The following ABHD2 variants were observed in gnomAD, a reference collection of about 807,000 sequenced individuals.
The protein encoded by ABHD2 is monoacylglycerol lipase ABHD2.
A neutral mutation model predicts 48.1 loss-of-function variants in ABHD2; 20 were observed. That is an observed-to-expected ratio of 0.42 (90% confidence interval 0.29 to 0.60). The LOEUF is 0.60. Ranked by LOEUF, ABHD2 falls within the 20% of genes least tolerant of loss-of-function variation. The pLI, the probability that ABHD2 is intolerant of heterozygous loss-of-function variation, is 0.24. For synonymous variants in ABHD2, 209 were observed against 214.2 expected, an observed-to-expected ratio of 0.98 and a Z score of 0.21; for missense variants, 405 against 550.9, an observed-to-expected ratio of 0.74 and a Z score of 2.65.
intron 3 of ABHD2, among the ~76,000 whole-genome samples, chr15:89,150,063 G>GACAAAAAGAAATTTT (rs2050566431): frequency 6.6e-6 from 1 of 152,188 alleles, no homozygotes; most frequent in Admixed American, 6.5e-5. Context: ...TCTGTGACTA[G>GACAAAAAGAAATTTT]ACAAAAAGAA....
chr15:89,143,260 T>G (rs1323787219), intron 3 of ABHD2, among the ~76,000 whole-genome samples: 1 of 152,216 alleles, frequency 6.6e-6, no homozygotes, highest in Non-Finnish European at 1.5e-5. Context: ...AGTATTCAAT[T>G]TACCACATGC....
chr15:89,159,435 A>C (rs2050728640), intron 5 of ABHD2, among the ~76,000 whole-genome samples: 1 of 152,180 alleles, frequency 6.6e-6, no homozygotes, highest in Non-Finnish European at 1.5e-5. Flanking sequence ...GGCCTGGTGA[A>C]TGTGCTGCAG....
chr15:89,057,921 G>A, the ABHD2 span, among the ~76,000 whole-genome samples: 11 of 152,116 alleles, frequency 7.2e-5, no homozygotes, highest in South Asian at 8.3e-4. Flanking sequence ...GCAGCTCTTC[G>A]CCCTCTACCC....
rs1314492228 is a variant in ABHD2, at chr15:89,151,872, G to A, written c.370+20G>A. 6.2e-7 allele frequency: 1 copy of A among 1,610,930 alleles called. No individual in the cohort carries two copies. Among genetic ancestry groups the A allele is most frequent in the Admixed American group, 1.7e-5 (1 of 59,850 alleles). ...TTGGAGGTGAGCTGCTTTAGATTGT[G>A]TGATTGAGCCATCACTCAGAGAAGG... On this transcript the variant is annotated intron_variant, in intron 4 of 10. Coordinates refer to ENST00000352732, the MANE Select transcript of ABHD2 (RefSeq NM_152924.5). The surrounding 1 kb of genome is among the most constrained non-coding windows in gnomAD (Gnocchi z 4.7).
In ABHD2 at chr15:89,195,291, C is replaced by G. The variant is rs1206131735; in HGVS notation, c.1146C>G (p.Gly382=). The change falls in exon 11 of 11, where the codon GGC becomes GGG. Residue 382 remains glycine, a synonymous_variant. Transcript: ENST00000352732. This position sits in a 1 kb window ranked among gnomAD's most constrained non-coding sequence, Gnocchi z 5.1. The part of the protein sequence containing the change: ...LHGGHLGFFE[G]SVLFPEPLTW... ...GGGGCCACTTGGGCTTCTTTGAGGG[C>G]TCTGTGCTGTTCCCCGAGCCCCTGA... 5 of 1,614,120 alleles carry G rather than the reference C, an allele frequency of 3.1e-6. No homozygotes were observed.
intron 6 of ABHD2, among the ~76,000 whole-genome samples, chr15:89,178,231 G>A (rs1003727171): frequency 7.9e-5 from 12 of 152,204 alleles, no homozygotes; most frequent in South Asian, 4.1e-4. Context: ...GAGAGACACT[G>A]TTGTCCTTGT....
chr15:89,109,719 C>A (rs2049843705), intron 1 of ABHD2, among the ~76,000 whole-genome samples: 1 of 152,142 alleles, frequency 6.6e-6, no homozygotes, highest in Non-Finnish European at 1.5e-5. Flanking sequence ...AAACAAAATG[C>A]AGCAAGATAA....
intron 3 of ABHD2, among the ~76,000 whole-genome samples, chr15:89,150,539 C>G (rs1216350429): frequency 6.6e-6 from 1 of 152,154 alleles, no homozygotes; most frequent in Non-Finnish European, 1.5e-5. Flanking sequence ...TCCTCCCCTC[C>G]CCCGAAAAGG....
chr15:89,082,017 T>C, the ABHD2 span, among the ~76,000 whole-genome samples: 1 of 152,150 alleles, frequency 6.6e-6, no homozygotes, highest in Non-Finnish European at 1.5e-5. This position sits in a 1 kb window ranked among gnomAD's most constrained non-coding sequence, Gnocchi z 4.4. Context: ...TAATTCTTTG[T>C]TGTGGGGCTG....
At chr15:89,128,506 A>C (rs1434478960) in intron 3 of ABHD2, among the ~76,000 whole-genome samples, 1 of 152,076 alleles carries the variant, frequency 6.6e-6, no homozygotes. Context: ...CAGCTACTCT[A>C]TTCTTGTCTC....
At position 89,201,347 on chromosome 15, in the gene ABHD2, G is replaced by T; in HGVS notation, c.*5924G>T. 2 of 1,030,968 alleles carry T rather than the reference G, an allele frequency of 1.9e-6. No homozygotes were observed. The highest frequency in any genetic ancestry group is 1.5e-6 in the Non-Finnish European group (1 of 664,134). 63.9% of individuals were successfully genotyped at this position (1,030,968 alleles called of 1,614,324 possible). On this transcript the variant is annotated 3_prime_UTR_variant, in exon 11 of 11. Coordinates refer to ENST00000352732, the MANE Select transcript of ABHD2 (RefSeq NM_152924.5). Reference sequence around the variant, plus strand: ...TGAAGCACTGTGTGGTTGTGGCGTGGGCCCGTCTTGCTTAGATGCATTCAG... The same window carrying T: ...TGAAGCACTGTGTGGTTGTGGCGTGTGCCCGTCTTGCTTAGATGCATTCAG...
rs1397206920 is a variant in ABHD2, at chr15:89,116,577, T to G, written c.194+56T>G. 6.5e-7 allele frequency: 1 copy of G among 1,549,542 alleles called. No homozygotes were observed. The highest frequency in any genetic ancestry group is 8.7e-7 in the Non-Finnish European group (1 of 1,142,928). Reference sequence around the variant, plus strand: ...AGCTGCTGATGTATTTGGCTTTGTGTGATGTTCAAAGAAGAAACTTCTCTC... The same window carrying G: ...AGCTGCTGATGTATTTGGCTTTGTGGGATGTTCAAAGAAGAAACTTCTCTC... On this transcript the variant is annotated intron_variant, in intron 3 of 10. Transcript: ENST00000352732. This position sits in a 1 kb window ranked among gnomAD's most constrained non-coding sequence, Gnocchi z 4.6.
rs548358408 is a variant in ABHD2, at chr15:89,185,678, ACTTGT to A, written c.815+167_815+171del. Among the ~76,000 whole-genome samples, 260 of 152,192 alleles carry A rather than the reference ACTTGT, an allele frequency of 1.7e-3. 1 individual carries two copies. The highest frequency in any genetic ancestry group is 5.9e-3 in the African/African-American group (245 of 41,522). ...GCATTTGTGACTTGATTAGAAACAA[ACTTGT>A]CTTGGCCAGGCGCGGTGGCTCACGC... On this transcript the variant is annotated intron_variant, in intron 7 of 10. Transcript: ENST00000352732. This position sits in a 1 kb window ranked among gnomAD's most constrained non-coding sequence, Gnocchi z 5.9.
Position 89,146,732 on chromosome 15 carries a change from G to A in ABHD2, c.195-4945G>A, listed in dbSNP as rs548777982. Among the ~76,000 whole-genome samples the A allele has an allele frequency of 5.5e-4, 83 of 152,164 alleles. No homozygotes were observed. Among genetic ancestry groups the A allele is most frequent in the Admixed American group, 1.7e-3 (26 of 15,280 alleles). ...CAGACAGAAAGACATGCAAATTAGC[G>A]TAGTAAAAATGGAATATTCTGTAAA... is the stretch of plus-strand genomic sequence containing the variant. On this transcript the variant is annotated intron_variant, in intron 3 of 10. Coordinates refer to ENST00000352732, the MANE Select transcript of ABHD2 (RefSeq NM_152924.5). This position sits in a 1 kb window ranked among gnomAD's most constrained non-coding sequence, Gnocchi z 4.2.
chr15:89,188,151 C>A lies in ABHD2; in HGVS notation c.816-42C>A, dbSNP rs1450496861. On this transcript the variant is annotated intron_variant, in intron 7 of 10. Coordinates refer to ENST00000352732, the MANE Select transcript of ABHD2 (RefSeq NM_152924.5). This position sits in a 1 kb window ranked among gnomAD's most constrained non-coding sequence, Gnocchi z 4.1. ...AGCAGGCTATGCCATGGTTGTTCAT[C>A]CTCCACATCTTAATCTCTGTTTGCT... 1 of 1,568,304 alleles carries A rather than the reference C, an allele frequency of 6.4e-7. No homozygotes were observed. Among genetic ancestry groups the A allele is most frequent in the South Asian group, 1.1e-5 (1 of 89,890 alleles).
rs566934573 is a variant in ABHD2 at position 89,176,854 on chromosome 15, G to T, written c.722+859G>T. Among the ~76,000 whole-genome samples the T allele has an allele frequency of 1.3e-5, 2 of 152,174 alleles. No homozygotes were observed. The highest frequency in any genetic ancestry group is 4.8e-5 in the African/African-American group (2 of 41,434). ...TTAAAAACACCTCCCTATTGATCCAGTCTAATGCCAAACAGTCCTTATCGT... is the reference window on the plus strand; with the variant it reads ...TTAAAAACACCTCCCTATTGATCCATTCTAATGCCAAACAGTCCTTATCGT... On this transcript the variant is annotated intron_variant, in intron 6 of 10. Transcript: ENST00000352732. The surrounding 1 kb of genome is among the most constrained non-coding windows in gnomAD (Gnocchi z 4.5).
At position 89,102,372 on chromosome 15, in the gene ABHD2, CATA is replaced by C. The variant is rs2049714466; in HGVS notation, c.-106-11352_-106-11350del. On this transcript the variant is annotated intron_variant, in intron 1 of 10. Transcript: ENST00000352732. The surrounding 1 kb of genome is among the most constrained non-coding windows in gnomAD (Gnocchi z 4.8). Reference sequence around the variant, plus strand: ...CAATTGTTTTATGGATGCTGTGTATCATACTTCTTTCATAGCCCCCACAGAGGT... The same window carrying C: ...CAATTGTTTTATGGATGCTGTGTATCCTTCTTTCATAGCCCCCACAGAGGT... The C allele has an allele frequency of 6.6e-6, 1 of 152,182 alleles. No homozygotes were observed. The highest frequency in any genetic ancestry group is 1.5e-5 in the Non-Finnish European group (1 of 68,052). 9.4% of individuals were successfully genotyped at this position (152,182 alleles called of 1,614,324 possible).
intron 3 of ABHD2, among the ~76,000 whole-genome samples, chr15:89,142,293 A>G (rs1390188517): frequency 6.6e-6 from 1 of 152,260 alleles, no homozygotes; most frequent in Non-Finnish European, 1.5e-5. Context: ...GTATAGATAA[A>G]TAAAATAGCA....
rs2051023051 is a variant in ABHD2 at position 89,176,877 on chromosome 15, C to CGTT, written c.722+883_722+885dup. Among the ~76,000 whole-genome samples, 2 of 152,182 alleles carry CGTT rather than the reference C, an allele frequency of 1.3e-5. No individual in the cohort carries two copies. Among genetic ancestry groups the CGTT allele is most frequent in the African/African-American group, 4.8e-5 (2 of 41,440 alleles). ...CAGTCTAATGCCAAACAGTCCTTAT[C>CGTT]GTTATTCAAAGAATCTTTTTGCCTC... On this transcript the variant is annotated intron_variant, in intron 6 of 10. Transcript: ENST00000352732. The surrounding 1 kb of genome is among the most constrained non-coding windows in gnomAD (Gnocchi z 4.5).
Sources: gnomAD v4.1 joint callset for allele counts (sites outside exome capture counted in the v4.1 genomes callset) on GRCh38, gnomAD v4.1.1 for gene constraint, Gnocchi (gnomAD v3.1) non-coding constraint, MANE v1.5 for transcripts, NCBI Gene and HGNC (gene_info 2026-07-23, HGNC 2026-07-21) for gene names.